PCDHGB2: variants seen among roughly 807,000 people sequenced by gnomAD.
PCDHGB2 encodes protocadherin gamma-B2.
Under a neutral mutation model 59.3 loss-of-function variants are expected in PCDHGB2, and 55 were observed. That is an observed-to-expected ratio of 0.93 (90% CI 0.75 to 1.16). The LOEUF (loss-of-function observed/expected upper bound fraction) is 1.16. Ranked by LOEUF, PCDHGB2 falls within the 50% of genes most tolerant of loss-of-function variation. PCDHGB2 has a pLI of 0.00. For missense variants in PCDHGB2, 1,228 were observed against 1,198.5 expected (o/e 1.02, Z -0.36); for synonymous variants, 516 against 512.0 (o/e 1.01, Z -0.11).
At chr5:141,409,511 A>C in intron 1 of PCDHGB2, 1 of 1,614,018 alleles carries the variant, frequency 6.2e-7, no homozygotes, top group Non-Finnish European at 8.5e-7. Flanking sequence ...TTCCAGTAGA[A>C]GCATCACCTT....
intron 1 of PCDHGB2, chr5:141,413,395 G>C: frequency 6.2e-7 from 1 of 1,614,050 alleles, no homozygotes; most frequent in Non-Finnish European, 8.5e-7. Context: ...AGTCTCCAGA[G>C]GTAGGACGCA....
intron 1 of PCDHGB2, among the ~76,000 whole-genome samples, chr5:141,362,919 G>A (rs1391703031): frequency 6.6e-6 from 1 of 152,202 alleles, no homozygotes; most frequent in East Asian, 1.9e-4. Flanking sequence ...ATACTTCAGA[G>A]TAAAGAGAGT....
rs756993242 is a variant in PCDHGB2 at position 141,432,265 on chromosome 5, G to T, written c.2422-62542G>T. 2.5e-6 allele frequency: 4 copies of T among 1,614,210 alleles called. No homozygotes were observed. The South Asian group carries it at 3.3e-5, about 13-fold the overall frequency. ...ACACCATCCAAGGGGCAAGCCTATC[G>T]TCCTACGTGTCCATCAACTCCGACA... On this transcript the variant is annotated intron_variant, in intron 1 of 3. Coordinates refer to ENST00000522605, the MANE Select transcript of PCDHGB2 (RefSeq NM_018923.3). This position sits in a 1 kb window ranked among gnomAD's most constrained non-coding sequence, Gnocchi z 6.0.
At chr5:141,385,409 T>C in intron 1 of PCDHGB2, 1 of 1,478,112 alleles carries the variant, frequency 6.8e-7, no homozygotes, top group South Asian at 1.4e-5. Context: ...GTTTTGAAAA[T>C]AGGGATTTAA....
chr5:141,490,088 ACCACAC>A lies in PCDHGB2; in HGVS notation c.2422-4718_2422-4713del. On this transcript the variant is annotated intron_variant, in intron 1 of 3. Transcript: ENST00000522605. The surrounding 1 kb of genome is among the most constrained non-coding windows in gnomAD (Gnocchi z 5.4). The stretch of plus-strand genomic sequence containing the variant: ...GGCCAACTAGACTATTCTTTTGGAG[ACCACAC>A]ATCTGAGGCAGTGCGGAACCTCTTT... The A allele has an allele frequency of 6.2e-7, 1 of 1,614,190 alleles. No homozygotes were observed. Among genetic ancestry groups the A allele is most frequent in the Non-Finnish European group, 8.5e-7 (1 of 1,180,004 alleles).
At chr5:141,389,359 G>C (rs768908018) in intron 1 of PCDHGB2, 99 of 1,613,770 alleles carry the variant, frequency 6.1e-5, no homozygotes, top group Non-Finnish European at 8.2e-5. Context: ...ATCATGGCCA[G>C]TGACCTGGAG....
At chr5:141,500,188 ATT>A (rs2099797463) in intron 2 of PCDHGB2, among the ~76,000 whole-genome samples, 1 of 98,146 alleles carries the variant, frequency 1.0e-5, no homozygotes, top group African/African-American at 5.1e-5. Flanking sequence ...TTTTATTTTT[ATT>A]TATTTATTTA....
chr5:141,401,537 A>G (rs188857820), intron 1 of PCDHGB2, among the ~76,000 whole-genome samples: 56 of 152,362 alleles, frequency 3.7e-4, no homozygotes, highest in Non-Finnish European at 7.5e-4. Context: ...AACTTACAAA[A>G]AAAAGGAAAT....
At chr5:141,463,338 G>A (rs1005543705) in intron 1 of PCDHGB2, among the ~76,000 whole-genome samples, 2 of 150,742 alleles carry the variant, frequency 1.3e-5, no homozygotes, top group African/African-American at 2.4e-5. Flanking sequence ...CAAAACCATG[G>A]TGTTATTCTT....
At chr5:141,370,854 C>T in intron 1 of PCDHGB2, 1 of 1,614,054 alleles carries the variant, frequency 6.2e-7, no homozygotes. Flanking sequence ...CACATTTGCC[C>T]TGGAATCTGC....
chr5:141,372,219 G>C, intron 1 of PCDHGB2: 5 of 1,613,542 alleles, frequency 3.1e-6, no homozygotes, highest in Non-Finnish European at 4.2e-6. Flanking sequence ...CTACCACATT[G>C]TGCAGGCCAG....
chr5:141,393,465 G>A lies in PCDHGB2; in HGVS notation c.2421+30909G>A, dbSNP rs776962387. The stretch of plus-strand genomic sequence containing the variant: ...CCTGGTCCTCACGGCCTCGGATGGC[G>A]GCAAGCCGCCTCGCTCTAGCACAGT... On this transcript the variant is annotated intron_variant, in intron 1 of 3. Transcript: ENST00000522605. 23 of 1,614,048 alleles carry A rather than the reference G, an allele frequency of 1.4e-5. No homozygotes were observed. The East Asian group carries it at 5.1e-4, about 36-fold the overall frequency.
At chr5:141,383,469 G>A (rs1779161077) in intron 1 of PCDHGB2, 1 of 1,613,786 alleles carries the variant, frequency 6.2e-7, no homozygotes, top group South Asian at 1.1e-5. Flanking sequence ...ATGAAACTAA[G>A]TACCCGGAAC....
In PCDHGB2 at chr5:141,361,584, C is replaced by T; in HGVS notation, c.1449C>T (p.Pro483=). 6.2e-7 allele frequency: 1 copy of T among 1,614,046 alleles called. No homozygotes were observed. The highest frequency in any genetic ancestry group is 1.3e-5 in the African/African-American group (1 of 75,066). ...QISASDPDLG[P]SGQVSYSIVA... ...GTGCCTCTGACCCTGACTTGGGCCC[C>T]AGTGGCCAAGTTTCCTACTCCATCG... Residue 483 remains proline, a synonymous_variant, in exon 1 of 4, where the codon CCC becomes CCT. Coordinates refer to ENST00000522605, the MANE Select transcript of PCDHGB2 (RefSeq NM_018923.3).
chr5:141,455,283 C>G (rs1225185590), intron 1 of PCDHGB2, among the ~76,000 whole-genome samples: 1 of 152,000 alleles, frequency 6.6e-6, no homozygotes, highest in East Asian at 1.9e-4. Context: ...ATTAACATCA[C>G]TTTACATAGT....
In PCDHGB2 at chr5:141,512,243, C is replaced by T. The variant is rs1205585993; in HGVS notation, c.*1070C>T. ...AGGTCCCCTTGAGAGGTCAGAGGGG[C>T]CTCTGTGGGTGCTGGGTACTCCAGA... On this transcript the variant is annotated 3_prime_UTR_variant, in exon 4 of 4. Transcript: ENST00000522605. 2 of 152,728 alleles carry T rather than the reference C, an allele frequency of 1.3e-5. No homozygotes were observed. The highest frequency in any genetic ancestry group is 1.5e-5 in the Non-Finnish European group (1 of 68,138). 9.5% of individuals were successfully genotyped at this position (152,728 alleles called of 1,614,324 possible).
intron 1 of PCDHGB2, chr5:141,415,400 C>T (rs754292889): frequency 2.5e-6 from 4 of 1,614,228 alleles, no homozygotes; most frequent in South Asian, 1.1e-5. Flanking sequence ...GTGTCCGGCT[C>T]GCACTTTGTG....
At chr5:141,458,485 A>G (rs2098946793) in intron 1 of PCDHGB2, among the ~76,000 whole-genome samples, 1 of 151,558 alleles carries the variant, frequency 6.6e-6, no homozygotes, top group Non-Finnish European at 1.5e-5. Context: ...GAAAATGAGG[A>G]CTGCCTGTAC....
chr5:141,509,477 G>A (rs753058277), intron 3 of PCDHGB2, among the ~76,000 whole-genome samples: 7 of 152,166 alleles, frequency 4.6e-5, no homozygotes, highest in African/African-American at 7.2e-5. Context: ...CAGGTGAGGG[G>A]TAGAGGTGAT....
Sources: allele counts gnomAD v4.1 joint callset (sites outside exome capture counted in the v4.1 genomes callset), GRCh38; gene constraint gnomAD v4.1.1; non-coding constraint Gnocchi (gnomAD v3.1); transcripts MANE v1.5; gene names NCBI Gene and HGNC (gene_info 2026-07-23, HGNC 2026-07-21).